The following ZNF592 variants were observed in gnomAD, a reference collection of about 807,000 sequenced individuals.
The protein encoded by ZNF592 is spinocerebellar ataxia, autosomal recessive 5.
A neutral mutation model predicts 80.3 loss-of-function variants in ZNF592; 11 were observed. The ratio of observed to expected loss-of-function variants is 0.14; its 90% CI spans 0.09 to 0.23. ZNF592 has a LOEUF of 0.23. Among genes scored for constraint, ZNF592 ranks in the 10% least tolerant of loss-of-function variants. The pLI is 1.00. For missense variants in ZNF592, 1,420 were observed against 1,633.9 expected (o/e 0.87, Z 2.26); for synonymous variants, 646 against 640.3 (o/e 1.01, Z -0.13).
intron 1 of ZNF592, among the ~76,000 whole-genome samples, chr15:84,755,564 A>T (rs1899146246): frequency 6.6e-6 from 1 of 152,190 alleles, no homozygotes; most frequent in African/African-American, 2.4e-5. Flanking sequence ...CTCTGTAAGG[A>T]CAGAGTTTAC....
rs772928025 is a variant in ZNF592 at position 84,783,189 on chromosome 15, C to G, written c.514C>G (p.Pro172Ala). Reference sequence around the variant, plus strand: ...ACACTCTGACAGTTATTTCCCACCCCCTCTTGGGTGCGGGGCTGTGGGAGG... The same window carrying G: ...ACACTCTGACAGTTATTTCCCACCCGCTCTTGGGTGCGGGGCTGTGGGAGG... ...PKHSDSYFPP[P>A]LGCGAVGGPV... is the part of the protein sequence containing the mutation. The change falls in exon 4 of 11, where the codon CCT (proline) becomes GCT (alanine). Residue 172 changes from proline (P) to alanine (A), a missense_variant. Pro to Ala is a conservative substitution (Grantham distance 27). Around this residue, in one of 7 missense-constraint regions of ZNF592, gnomAD observed 373 missense variants for 355.5 expected, o/e 1.05. Transcript: ENST00000560079. This position sits in a 1 kb window ranked among gnomAD's most constrained non-coding sequence, Gnocchi z 5.0. 2.5e-6 allele frequency: 4 copies of G among 1,614,180 alleles called. No individual in the cohort carries two copies. The highest frequency in any genetic ancestry group is 1.3e-5 in the African/African-American group (1 of 75,048).
intron 1 of ZNF592, among the ~76,000 whole-genome samples, chr15:84,760,220 G>T (rs1361678240): frequency 6.6e-6 from 1 of 152,018 alleles, no homozygotes; most frequent in Non-Finnish European, 1.5e-5. Flanking sequence ...TTTCGTCTTA[G>T]AGTCAAAGTC....
chr15:84,776,485 G>A (rs1046670633), intron 2 of ZNF592, among the ~76,000 whole-genome samples: 2 of 152,238 alleles, frequency 1.3e-5, no homozygotes, highest in Non-Finnish European at 2.9e-5. Flanking sequence ...GCTGGGTGCA[G>A]TGGCTCATGC....
rs765395901 is a variant in ZNF592, at chr15:84,801,990, A to T, written c.3401A>T (p.Asp1134Val). 5 of 1,613,814 alleles carry T rather than the reference A, an allele frequency of 3.1e-6. No individual in the cohort carries two copies. The highest frequency in any genetic ancestry group is 3.4e-6 in the Non-Finnish European group (4 of 1,179,840). ...TGCGCGAAATGTAGTTTTGCCACAG[A>T]CTCGGGGCTCGAGTTTCAGAGCCAC... ...FQCAKCSFAT[D>V]SGLEFQSHIP... Residue 1134 changes from aspartate to valine, a missense_variant, in exon 11 of 11, where the codon GAC becomes GTC. Physicochemically the swap from Asp to Val is radical, Grantham distance 152. This residue lies in a region of ZNF592 where 145 missense variants were observed against 211.9 expected (regional missense o/e 0.68). Coordinates refer to ENST00000560079, the MANE Select transcript of ZNF592 (RefSeq NM_014630.3).
chr15:84,787,235 C>A (rs768364078), intron 4 of ZNF592, among the ~76,000 whole-genome samples: 1 of 152,152 alleles, frequency 6.6e-6, no homozygotes, highest in Non-Finnish European at 1.5e-5. Flanking sequence ...CATCTTACAT[C>A]CTCTCTGTGT....
chr15:84,774,314 C>G (rs1246441658), intron 2 of ZNF592, among the ~76,000 whole-genome samples: 4 of 152,214 alleles, frequency 2.6e-5, no homozygotes, highest in Non-Finnish European at 5.9e-5. Context: ...AAGCCTCTTC[C>G]TTCATGAAAC....
intron 1 of ZNF592, among the ~76,000 whole-genome samples, chr15:84,755,124 ATTT>A (rs34356102): frequency 4.3e-5 from 5 of 115,574 alleles, no homozygotes; most frequent in Admixed American, 1.8e-4. Flanking sequence ...CACCCAGCTA[ATTT>A]TTTTTTTTTT....
intron 3 of ZNF592, among the ~76,000 whole-genome samples, chr15:84,779,959 C>T (rs891387656): frequency 3.3e-5 from 5 of 151,740 alleles, no homozygotes; most frequent in Admixed American, 6.6e-5. Context: ...TCTGCCCTTT[C>T]CCCTCAATCT....
intron 2 of ZNF592, among the ~76,000 whole-genome samples, chr15:84,766,925 G>A (rs1225348761): frequency 1.3e-5 from 2 of 152,020 alleles, no homozygotes; most frequent in Non-Finnish European, 2.9e-5. Flanking sequence ...GGTTGTCTGT[G>A]GTAGATAAGA....
At chr15:84,778,463 C>G (rs939798424) in intron 3 of ZNF592, among the ~76,000 whole-genome samples, 151 bp downstream of exon 3, 1 of 152,174 alleles carries the variant, frequency 6.6e-6, no homozygotes, top group Non-Finnish European at 1.5e-5. Context: ...ACACGACGTT[C>G]TACACTCGTG....
At chr15:84,789,892 C>T (rs1002686130) in intron 4 of ZNF592, among the ~76,000 whole-genome samples, 3 of 152,188 alleles carry the variant, frequency 2.0e-5, no homozygotes, top group African/African-American at 7.2e-5. Context: ...CAGGCACCAG[C>T]GAAGTCTTTT....
Position 84,802,086 on chromosome 15 carries a change from G to C in ZNF592, c.3497G>C (p.Ser1166Thr), listed in dbSNP as rs771579138. Reference protein sequence around the residue: ...LLCGLCYTSASSLSRHLFIVH... With the variant: ...LLCGLCYTSATSLSRHLFIVH... The stretch of plus-strand genomic sequence containing the variant: ...TGTGGTTTGTGCTACACCTCTGCCA[G>C]CTCCCTCAGCCGCCACCTCTTCATT... Residue 1166 changes from serine to threonine, a missense_variant, in exon 11 of 11, where the codon AGC becomes ACC. Ser to Thr is a moderately conservative substitution (Grantham distance 58). Around this residue, in one of 7 missense-constraint regions of ZNF592, gnomAD observed 145 missense variants for 211.9 expected, o/e 0.68. Coordinates refer to ENST00000560079, the MANE Select transcript of ZNF592 (RefSeq NM_014630.3). 1.2e-6 allele frequency: 2 copies of C among 1,613,314 alleles called. No individual in the cohort carries two copies. The highest frequency in any genetic ancestry group is 1.7e-6 in the Non-Finnish European group (2 of 1,179,694).
intron 1 of ZNF592, among the ~76,000 whole-genome samples, chr15:84,759,895 G>A (rs1209292969): frequency 6.7e-6 from 1 of 149,020 alleles, no homozygotes; most frequent in Non-Finnish European, 1.5e-5. Context: ...GCCCTGCCTT[G>A]TACAGGGGTT....
chr15:84,778,568 T>C (rs1458143140), intron 3 of ZNF592, among the ~76,000 whole-genome samples: 1 of 152,218 alleles, frequency 6.6e-6, no homozygotes, highest in Non-Finnish European at 1.5e-5. Flanking sequence ...CAGTTTCTAA[T>C]GGCCGACTTG....
chr15:84,785,318 T>A (rs1010194190), intron 4 of ZNF592, among the ~76,000 whole-genome samples: 3 of 152,028 alleles, frequency 2.0e-5, no homozygotes, highest in Non-Finnish European at 4.4e-5. Context: ...TTGTCTTTTT[T>A]TTTTTTTTCT....
intron 5 of ZNF592, among the ~76,000 whole-genome samples, chr15:84,796,240 A>AATATATC (rs1567076151): frequency 2.5e-5 from 1 of 39,404 alleles, no homozygotes; most frequent in Non-Finnish European, 3.8e-5. Context: ...AAAAAAAAAA[A>AATATATC]TATATATATA....
chr15:84,772,273 C>G (rs1402792532), intron 2 of ZNF592, among the ~76,000 whole-genome samples: 1 of 152,110 alleles, frequency 6.6e-6, no homozygotes, highest in Non-Finnish European at 1.5e-5. Context: ...TGAGTTCAGG[C>G]GAGGCTCCTG....
chr15:84,757,178 A>T lies in ZNF592; in HGVS notation c.-258-7529A>T, dbSNP rs555944548. ...GCTATATTGACCAAGCCAGTCTCAAACTCCTGGCTTCAAATAATCCTTCCA... is the reference window on the plus strand; with the variant it reads ...GCTATATTGACCAAGCCAGTCTCAATCTCCTGGCTTCAAATAATCCTTCCA... On this transcript the variant is annotated intron_variant, in intron 1 of 10. Coordinates refer to ENST00000560079, the MANE Select transcript of ZNF592 (RefSeq NM_014630.3). 2.6e-5 allele frequency among the ~76,000 whole-genome samples: 4 copies of T among 151,988 alleles called. No individual in the cohort carries two copies. The South Asian group carries it at 8.3e-4, about 32-fold the overall frequency.
intron 2 of ZNF592, among the ~76,000 whole-genome samples, chr15:84,769,562 A>G (rs1899638124): frequency 6.6e-6 from 1 of 151,314 alleles, no homozygotes; most frequent in South Asian, 2.1e-4. Flanking sequence ...GAGCATGACC[A>G]GCATGCCTGA....
Sources: gnomAD v4.1 joint callset for allele counts (sites outside exome capture counted in the v4.1 genomes callset) on GRCh38, gnomAD v4.1.1 for gene constraint, gnomAD v4.1.1 regional missense constraint, Gnocchi (gnomAD v3.1) non-coding constraint, MANE v1.5 for transcripts, NCBI Gene and HGNC (gene_info 2026-07-23, HGNC 2026-07-21) for gene names.